The following GRM8 variants were observed in gnomAD, a reference collection of about 807,000 sequenced individuals.
GRM8 encodes the protein metabotropic glutamate receptor 8.
A neutral mutation model predicts 87.2 loss-of-function variants in GRM8; 47 were observed. The ratio of observed to expected loss-of-function variants is 0.54; its 90% CI spans 0.43 to 0.69. GRM8 has a LOEUF of 0.69. GRM8 is among the 30% of genes least tolerant of loss of function. GRM8 has a pLI of 0.00. For missense variants in GRM8, 1,019 were observed against 1,139.2 expected, an observed-to-expected ratio of 0.89 and a Z score of 1.52; for synonymous variants, 396 against 404.5, an observed-to-expected ratio of 0.98 and a Z score of 0.25.
chr7:126,621,895 A>G (rs1231253554), intron 7 of GRM8, among the ~76,000 whole-genome samples: 2 of 152,072 alleles, frequency 1.3e-5, no homozygotes, highest in Non-Finnish European at 2.9e-5. Context: ...CCAATTCATT[A>G]ATCACCCTGT....
intron 2 of GRM8, among the ~76,000 whole-genome samples, chr7:127,225,960 T>C (rs1797294647): frequency 6.6e-6 from 1 of 152,112 alleles, no homozygotes; most frequent in South Asian, 2.1e-4. Context: ...AAAATACATA[T>C]ATCTGGGAAG....
rs187579164 is a variant in GRM8 at position 126,592,992 on chromosome 7, C to T, written c.1494+16370G>A. On this transcript the variant is annotated intron_variant, in intron 8 of 10. Coordinates refer to ENST00000339582, the MANE Select transcript of GRM8 (RefSeq NM_000845.3). ...AAATCAGAGAACAATCTGAAAAAGT[C>T]AAGAAAGTGATCCCCTTTATATAAC... Among the ~76,000 whole-genome samples, 4 of 151,912 alleles carry T rather than the reference C, an allele frequency of 2.6e-5. No individual in the cohort carries two copies. The East Asian group carries it at 7.7e-4, about 29-fold the overall frequency.
At chr7:126,465,917 G>A (rs1195748124) in intron 9 of GRM8, among the ~76,000 whole-genome samples, 1 of 151,828 alleles carries the variant, frequency 6.6e-6, no homozygotes, top group Non-Finnish European at 1.5e-5. Context: ...AAAACTTTTA[G>A]CAATTCACTG....
chr7:126,822,278 G>A (rs182686385), intron 6 of GRM8, among the ~76,000 whole-genome samples: 1 of 152,146 alleles, frequency 6.6e-6, no homozygotes, highest in African/African-American at 2.4e-5. Flanking sequence ...GTCATTTAAA[G>A]TTTCTTTAAA....
intron 7 of GRM8, among the ~76,000 whole-genome samples, chr7:126,611,080 C>A (rs188118831): frequency 6.6e-6 from 1 of 152,076 alleles, no homozygotes; most frequent in Admixed American, 6.6e-5. Context: ...ATTATTATTA[C>A]TATTATTATT....
rs188119844 is a variant in GRM8 at position 126,917,431 on chromosome 7, C to A, written c.728-12748G>T. ...CGCACACACACACACGATTCTATTA[C>A]CTTTTCCTTAATGAAAGATCTACTT... On this transcript the variant is annotated intron_variant, in intron 3 of 10. Coordinates refer to ENST00000339582, the MANE Select transcript of GRM8 (RefSeq NM_000845.3). Among the ~76,000 whole-genome samples, 27 of 152,020 alleles carry A rather than the reference C, an allele frequency of 1.8e-4. 1 individual carries two copies. The East Asian group carries it at 5.2e-3, about 29-fold the overall frequency.
At chr7:127,091,624 C>T (rs1586973904) in intron 3 of GRM8, among the ~76,000 whole-genome samples, 1 of 123,290 alleles carries the variant, frequency 8.1e-6, no homozygotes, top group Non-Finnish European at 1.7e-5. Flanking sequence ...CCCTGTCCCA[C>T]TCATCATCCC....
intron 2 of GRM8, among the ~76,000 whole-genome samples, chr7:127,180,494 C>G (rs1433339073): frequency 6.6e-6 from 1 of 151,930 alleles, no homozygotes; most frequent in African/African-American, 2.4e-5. Flanking sequence ...CTTAATTCAT[C>G]TTCTGAAGCC....
chr7:126,461,355 C>T (rs1438970142), intron 9 of GRM8, among the ~76,000 whole-genome samples: 3 of 151,470 alleles, frequency 2.0e-5, no homozygotes, highest in African/African-American at 7.3e-5. Flanking sequence ...CTTTGTACTC[C>T]TAACCCACAA....
chr7:126,901,774 C>T (rs974830446), intron 6 of GRM8, among the ~76,000 whole-genome samples: 2 of 152,018 alleles, frequency 1.3e-5, no homozygotes, highest in African/African-American at 2.4e-5. Context: ...AAAATTGACC[C>T]TTATATATGT....
At chr7:127,130,679 T>A (rs1199013649) in intron 2 of GRM8, among the ~76,000 whole-genome samples, 1 of 152,128 alleles carries the variant, frequency 6.6e-6, no homozygotes. Context: ...AGGGGTGGAA[T>A]TATATGGTTT....
chr7:126,807,312 A>C (rs1406683847), intron 6 of GRM8, among the ~76,000 whole-genome samples: 1 of 144,590 alleles, frequency 6.9e-6, no homozygotes, highest in Non-Finnish European at 1.5e-5. Flanking sequence ...CTTCGACTTG[A>C]AAAAAAATGT....
At chr7:126,641,304 T>C (rs1015716232) in intron 7 of GRM8, among the ~76,000 whole-genome samples, 1 of 152,174 alleles carries the variant, frequency 6.6e-6, no homozygotes, top group African/African-American at 2.4e-5. Flanking sequence ...AGTCTGCAAA[T>C]CTGTGGGATA....
At position 127,130,278 on chromosome 7, in the gene GRM8, G is replaced by GTATTTTA. The variant is rs1451713123; in HGVS notation, c.511-23567_511-23566insTAAAATA. 1.1e-3 allele frequency among the ~76,000 whole-genome samples: 173 copies of GTATTTTA among 152,298 alleles called. 1 individual carries two copies. Among genetic ancestry groups the GTATTTTA allele is most frequent in the African/African-American group, 4.1e-3 (172 of 41,576 alleles). Reference sequence around the variant, plus strand: ...ACGGATAATTGGTACAGGGAGTGGGGTACTGCTATAAAAATAACCTGAAAA... The same window carrying GTATTTTA: ...ACGGATAATTGGTACAGGGAGTGGGGTATTTTATACTGCTATAAAAATAACCTGAAAA... On this transcript the variant is annotated intron_variant, in intron 2 of 10. Transcript: ENST00000339582.
At position 126,624,271 on chromosome 7, in the gene GRM8, T is replaced by C. The variant is rs572790323; in HGVS notation, c.1358-14773A>G. On this transcript the variant is annotated intron_variant, in intron 7 of 10. Coordinates refer to ENST00000339582, the MANE Select transcript of GRM8 (RefSeq NM_000845.3). ...CTTATTTATCTGATCTTGCTCATTTTCTGTACTCCTTCCAACCTGGTCTTC... is the reference window on the plus strand; with the variant it reads ...CTTATTTATCTGATCTTGCTCATTTCCTGTACTCCTTCCAACCTGGTCTTC... Among the ~76,000 whole-genome samples, 4 of 152,340 alleles carry C rather than the reference T, an allele frequency of 2.6e-5. No homozygotes were observed. In the East Asian group the frequency reaches 7.7e-4, roughly 29 times the overall value.
At chr7:126,951,836 G>C (rs1343275379) in intron 3 of GRM8, among the ~76,000 whole-genome samples, 3 of 151,886 alleles carry the variant, frequency 2.0e-5, no homozygotes, top group Non-Finnish European at 4.4e-5. Context: ...TAGTACAAAT[G>C]GCTTTAAATA....
chr7:126,690,128 G>A (rs1364310207), intron 7 of GRM8, among the ~76,000 whole-genome samples: 1 of 152,224 alleles, frequency 6.6e-6, no homozygotes, highest in Non-Finnish European at 1.5e-5. Flanking sequence ...GATCCTTGGA[G>A]TGTTGCTTTT....
Position 126,684,029 on chromosome 7 carries a change from C to T in GRM8, c.1358-74531G>A, listed in dbSNP as rs532891774. Among the ~76,000 whole-genome samples, 9 of 151,786 alleles carry T rather than the reference C, an allele frequency of 5.9e-5. No individual in the cohort carries two copies. In the South Asian group the frequency reaches 8.3e-4, roughly 14 times the overall value. ...CACTACTGTACTCTACATTGCCTAGCGTAATATCTAGCATGTAAATATTTG... is the reference window on the plus strand; with the variant it reads ...CACTACTGTACTCTACATTGCCTAGTGTAATATCTAGCATGTAAATATTTG... On this transcript the variant is annotated intron_variant, in intron 7 of 10. Coordinates refer to ENST00000339582, the MANE Select transcript of GRM8 (RefSeq NM_000845.3).
chr7:126,852,035 T>C (rs975778076), intron 6 of GRM8, among the ~76,000 whole-genome samples: 2 of 152,110 alleles, frequency 1.3e-5, no homozygotes, highest in Admixed American at 6.5e-5. Context: ...GGCAGAGCAG[T>C]CTGGCCCACA....
Sources: gnomAD v4.1 joint callset for allele counts (sites outside exome capture counted in the v4.1 genomes callset) on GRCh38, gnomAD v4.1.1 for gene constraint, MANE v1.5 for transcripts, NCBI Gene and HGNC (gene_info 2026-07-23, HGNC 2026-07-21) for gene names.